The following ITSN1 variants were observed in gnomAD, a reference collection of about 807,000 sequenced individuals.
The protein encoded by ITSN1 is intersectin 1.
ITSN1 carries 58 observed loss-of-function variants against 239.8 expected under a neutral mutation model. The ratio of observed to expected loss-of-function variants is 0.24; its 90% CI spans 0.20 to 0.30. The LOEUF (loss-of-function observed/expected upper bound fraction) is 0.30, where lower values mean the gene tolerates loss of function less well. Among genes scored for constraint, ITSN1 ranks in the 10% least tolerant of loss-of-function variants. The pLI is 1.00. For synonymous variants in ITSN1, 780 were observed against 770.8 expected, an observed-to-expected ratio of 1.01 and a Z score of -0.20; for missense variants, 1,558 against 2,103.3, an observed-to-expected ratio of 0.74 and a Z score of 5.07.
At chr21:33,656,295 C>T (rs939468836) in intron 1 of ITSN1, among the ~76,000 whole-genome samples, 5 of 152,244 alleles carry the variant, frequency 3.3e-5, no homozygotes, top group African/African-American at 4.8e-5. Flanking sequence ...GAGAAAAAAA[C>T]GCTAGGCAGG....
chr21:33,886,163 G>A (rs1985761858), intron 38 of ITSN1, 124 bp from the exon 39 acceptor site: 1 of 748,444 alleles, frequency 1.3e-6, no homozygotes, highest in South Asian at 1.8e-5. Context: ...AATGAGCTGA[G>A]ATCATACCAC....
Position 33,889,486 on chromosome 21 carries a change from T to G in ITSN1, c.*1186T>G, listed in dbSNP as rs1986209355. 1 of 152,254 alleles carries G rather than the reference T, an allele frequency of 6.6e-6. No individual in the cohort carries two copies. The highest frequency in any genetic ancestry group is 1.5e-5 in the Non-Finnish European group (1 of 68,046). The allele number at this position is 152,254 out of a possible 1,614,324, so 9.4% of individuals were successfully genotyped here. The stretch of plus-strand genomic sequence containing the variant: ...ATGCTTGTTGCAAGAGTCAGGACTT[T>G]ATGACTATGTGCCAAGCTGTTTGGT... On this transcript the variant is annotated 3_prime_UTR_variant, in exon 40 of 40. Transcript: ENST00000381318.
intron 24 of ITSN1, among the ~76,000 whole-genome samples, chr21:33,820,636 A>T (rs1327156357): frequency 6.6e-6 from 1 of 152,070 alleles, no homozygotes; most frequent in Non-Finnish European, 1.5e-5. Context: ...TAAAGTAAGA[A>T]TTTTTTTTAG....
At chr21:33,818,097 G>C (rs770027661) in intron 22 of ITSN1, 170 bp from the exon 23 acceptor site, 2 of 616,064 alleles carry the variant, frequency 3.2e-6, no homozygotes, top group Non-Finnish European at 5.7e-6. Flanking sequence ...ATAAACAATT[G>C]TTGGGAAACA....
At chr21:33,730,388 C>CTTTTTTTTTTTTTTTTTTTTTTT (rs71194863) in intron 4 of ITSN1, among the ~76,000 whole-genome samples, 1 of 49,348 alleles carries the variant, frequency 2.0e-5, no homozygotes, top group Non-Finnish European at 3.9e-5. Flanking sequence ...GCTCTCTGTT[C>CTTTTTTTTTTTTTTTTTTTTTTT]TTTTTTTTTT....
Position 33,875,496 on chromosome 21 carries a change from A to G in ITSN1, c.4316A>G (p.His1439Arg), listed in dbSNP as rs1293890007. Reference protein sequence around the residue: ...NSDRLEWIQAHVQCEGLSEQL... With the variant: ...NSDRLEWIQARVQCEGLSEQL... ...GACCGGCTGGAGTGGATCCAGGCCCACGTGCAGTGTGAAGGCCTGTCTGAG... is the reference window on the plus strand; with the variant it reads ...GACCGGCTGGAGTGGATCCAGGCCCGCGTGCAGTGTGAAGGCCTGTCTGAG... The change falls in exon 34 of 40, where the codon CAC becomes CGC. Residue 1439 changes from histidine (H) to arginine (R), a missense_variant. Transcript: ENST00000381318. 1.9e-6 allele frequency: 3 copies of G among 1,614,132 alleles called. No individual in the cohort carries two copies. Among genetic ancestry groups the G allele is most frequent in the Non-Finnish European group, 2.5e-6 (3 of 1,180,018 alleles).
intron 23 of ITSN1, 21 bp downstream of exon 23, chr21:33,818,493 T>C (rs1386758374): frequency 1.3e-6 from 2 of 1,579,742 alleles, no homozygotes. Context: ...ATTTATCTGC[T>C]TGTATTTGAT....
chr21:33,795,321 C>T (rs573456954), intron 17 of ITSN1, among the ~76,000 whole-genome samples: 87 of 152,224 alleles, frequency 5.7e-4, no homozygotes, highest in Middle Eastern at 3.4e-3. Flanking sequence ...CGGTGGCACG[C>T]GCCTGTAGTC....
chr21:33,653,758 G>T (rs1302054854), intron 1 of ITSN1, among the ~76,000 whole-genome samples: 1 of 151,972 alleles, frequency 6.6e-6, no homozygotes, highest in Non-Finnish European at 1.5e-5. Flanking sequence ...TCCTGACCTC[G>T]TGATCCGCCC....
chr21:33,735,481 GTTTT>G, intron 5 of ITSN1: 3 of 261,438 alleles, frequency 1.1e-5, no homozygotes, highest in East Asian at 9.5e-5. Flanking sequence ...CAGCTTCTGG[GTTTT>G]TTTTTTTTTT....
At chr21:33,734,938 G>A in intron 4 of ITSN1, 106 bp from the exon 5 acceptor site, 2 of 877,010 alleles carry the variant, frequency 2.3e-6, no homozygotes, top group Non-Finnish European at 1.7e-6. Flanking sequence ...GTTGTCTCTA[G>A]GGGTAAGAGT....
At chr21:33,826,698 T>C in intron 25 of ITSN1, 120 bp from the exon 26 acceptor site, 1 of 818,550 alleles carries the variant, frequency 1.2e-6, no homozygotes, top group South Asian at 1.4e-5. Flanking sequence ...AGTGCTATGT[T>C]TTCCCAGAAT....
intron 1 of ITSN1, among the ~76,000 whole-genome samples, chr21:33,651,351 T>C (rs1358045724): frequency 6.6e-6 from 1 of 152,198 alleles, no homozygotes; most frequent in African/African-American, 2.4e-5. Flanking sequence ...GATTGGAGGA[T>C]GGATAGAGAG....
At chr21:33,858,493 C>T (rs1054103000) in intron 30 of ITSN1, among the ~76,000 whole-genome samples, 193 bp from the exon 31 acceptor site, 8 of 151,558 alleles carry the variant, frequency 5.3e-5, no homozygotes, top group Non-Finnish European at 1.0e-4. Flanking sequence ...CTGCTGGGGA[C>T]CCCCCTCCGG....
chr21:33,728,254 C>CCTGCCCAGCCTTCTTCCT (rs1448237667), intron 4 of ITSN1, among the ~76,000 whole-genome samples: 1 of 151,878 alleles, frequency 6.6e-6, no homozygotes, highest in Non-Finnish European at 1.5e-5. Flanking sequence ...CATGAGCCAC[C>CCTGCCCAGCCTTCTTCCT]GCACCCGGCC....
intron 30 of ITSN1, among the ~76,000 whole-genome samples, chr21:33,858,281 A>G (rs552784109): frequency 1.3e-5 from 2 of 152,176 alleles, no homozygotes; most frequent in Non-Finnish European, 2.9e-5. Flanking sequence ...CGGTTTACCT[A>G]TGCAGATGAA....
intron 24 of ITSN1, among the ~76,000 whole-genome samples, chr21:33,822,201 C>T (rs1373418904): frequency 6.6e-6 from 1 of 152,210 alleles, no homozygotes; most frequent in Non-Finnish European, 1.5e-5. Flanking sequence ...GGGCTGCCCA[C>T]GTGAGCACAA....
chr21:33,653,630 C>G (rs2088759748), intron 1 of ITSN1, among the ~76,000 whole-genome samples: 1 of 152,004 alleles, frequency 6.6e-6, no homozygotes, highest in African/African-American at 2.4e-5. Context: ...TCATGCCATT[C>G]TCCTGCCTCA....
chr21:33,726,564 CA>C (rs1367131162), intron 4 of ITSN1, among the ~76,000 whole-genome samples: 1 of 152,266 alleles, frequency 6.6e-6, no homozygotes, highest in East Asian at 1.9e-4. Flanking sequence ...AGTGCAGTGG[CA>C]TGATCATAGC....
Sources: gnomAD v4.1 joint callset for allele counts (sites outside exome capture counted in the v4.1 genomes callset) on GRCh38, gnomAD v4.1.1 for gene constraint, MANE v1.5 for transcripts, NCBI Gene and HGNC (gene_info 2026-07-23, HGNC 2026-07-21) for gene names.